The following FLT4 variants were observed in gnomAD, a reference collection of about 807,000 sequenced individuals.
FLT4 encodes the protein vascular endothelial growth factor receptor 3.
FLT4 carries 30 observed loss-of-function variants against 163.2 expected under a neutral mutation model. The observed-to-expected ratio is 0.18, with a 90% CI of 0.14 to 0.25. The LOEUF (loss-of-function observed/expected upper bound fraction) is 0.25, where lower values mean the gene tolerates loss of function less well. Among genes scored for constraint, FLT4 ranks in the 10% least tolerant of loss-of-function variants. FLT4 has a pLI of 1.00. For missense variants in FLT4, 1,510 were observed against 1,863.8 expected, an observed-to-expected ratio of 0.81 and a Z score of 3.50; for synonymous variants, 884 against 789.5, an observed-to-expected ratio of 1.12 and a Z score of -2.01.
At position 180,621,795 on chromosome 5, in the gene FLT4, G is replaced by A. The variant is rs776649034; in HGVS notation, c.1767C>T (p.Arg589=). The A allele has an allele frequency of 3.7e-6, 6 of 1,613,290 alleles. No individual in the cohort carries two copies. The African/African-American group carries it at 4.0e-5, about 11-fold the overall frequency. The change falls in exon 13 of 30, where the codon CGC becomes CGT. Residue 589 remains arginine, a synonymous_variant. Coordinates refer to ENST00000261937, the MANE Select transcript of FLT4 (RefSeq NM_182925.5). ...GCGTGGACAGGTTGAGGCGGTACCA[G>A]CGCAGATGCTCGTACTTGTAGCTGT... ...QADSYKYEHL[R]WYRLNLSTLH...
chr5:180,623,582 G>A lies in FLT4; in HGVS notation c.1548+353C>T, dbSNP rs1036577427. ...CTTCTCGGCGTTGCCCCCAGGCTGC[G>A]CCAGCGGCTCAGCAGCCCTCTGTGC... On this transcript the variant is annotated intron_variant, in intron 11 of 29. Transcript: ENST00000261937. This position sits in a 1 kb window ranked among gnomAD's most constrained non-coding sequence, Gnocchi z 5.8. 1.3e-5 allele frequency among the ~76,000 whole-genome samples: 2 copies of A among 152,204 alleles called. No individual in the cohort carries two copies. Among genetic ancestry groups the A allele is most frequent in the Non-Finnish European group, 2.9e-5 (2 of 68,020 alleles).
At chr5:180,614,215 T>G (rs1762439665) in intron 23 of FLT4, 36 bp from the exon 24 acceptor site, 1 of 1,401,566 alleles carries the variant, frequency 7.1e-7, no homozygotes, top group Non-Finnish European at 1.0e-6. Context: ...CCGTGGTGGA[T>G]GGGGAGACGG....
In FLT4 at chr5:180,613,411, C is replaced by T. The variant is rs370027075; in HGVS notation, c.3332-301G>A. 2.8e-4 allele frequency: 105 copies of T among 378,434 alleles called. 2 individuals carry two copies. The East Asian group carries it at 2.9e-3, about 10-fold the overall frequency. The allele number at this position is 378,434 out of a possible 1,614,324, so 23.4% of individuals were successfully genotyped here. A position where few individuals can be genotyped will look rare whatever the true frequency, so the allele number is the denominator to read the frequency against. ...GACATCATGGTTACTGGATCATCAG[C>T]GGCGGGGGAGCCGCCTGCAGGCAGT... On this transcript the variant is annotated intron_variant, in intron 24 of 29. Transcript: ENST00000261937.
At position 180,611,357 on chromosome 5, in the gene FLT4, G is replaced by A; in HGVS notation, c.3660C>T (p.Ser1220=). ...AQADAEDSPP[S]LQRHSLAARY... ...TGGCGGCCAGGCTGTGGCGCTGCAGGCTTGGCGGGCTGTCCTCAGCGTCAG... is the reference window on the plus strand; with the variant it reads ...TGGCGGCCAGGCTGTGGCGCTGCAGACTTGGCGGGCTGTCCTCAGCGTCAG... The change falls in exon 27 of 30, where the codon AGC becomes AGT. Residue 1220 remains serine, a synonymous_variant. Transcript: ENST00000261937. 6.2e-7 allele frequency: 1 copy of A among 1,613,854 alleles called. No individual in the cohort carries two copies. The highest frequency in any genetic ancestry group is 8.5e-7 in the Non-Finnish European group (1 of 1,179,984).
chr5:180,644,059 C>T (rs558349323), intron 1 of FLT4, among the ~76,000 whole-genome samples: 5 of 152,290 alleles, frequency 3.3e-5, no homozygotes, highest in East Asian at 3.9e-4. Flanking sequence ...CCTTGTGATC[C>T]GCCCGCCTTG....
At chr5:180,608,167 G>A in intron 29 of FLT4, 1 of 700,256 alleles carries the variant, frequency 1.4e-6, no homozygotes, top group Non-Finnish European at 2.6e-6. Flanking sequence ...CCTCTTTGAA[G>A]TTTGTAGTAG....
chr5:180,623,731 G>A lies in FLT4; in HGVS notation c.1548+204C>T, dbSNP rs951357384. Among the ~76,000 whole-genome samples the A allele has an allele frequency of 1.3e-5, 2 of 152,152 alleles. No individual in the cohort carries two copies. The highest frequency in any genetic ancestry group is 2.4e-5 in the African/African-American group (1 of 41,438). On this transcript the variant is annotated intron_variant, in intron 11 of 29. Transcript: ENST00000261937. The surrounding 1 kb of genome is among the most constrained non-coding windows in gnomAD (Gnocchi z 5.8). ...TTGTCTGGGAAGCCGCCAGAGGTCCGCCCTCCATCACAAAGCCGGAGACTG... is the reference window on the plus strand; with the variant it reads ...TTGTCTGGGAAGCCGCCAGAGGTCCACCCTCCATCACAAAGCCGGAGACTG...
chr5:180,607,585 G>A (rs1364017344), intron 29 of FLT4, among the ~76,000 whole-genome samples: 3 of 150,402 alleles, frequency 2.0e-5, no homozygotes, highest in Non-Finnish European at 2.9e-5. Context: ...AGGTTGCAGC[G>A]AGCAGAGATC....
intron 29 of FLT4, among the ~76,000 whole-genome samples, chr5:180,606,465 G>A (rs1267475326): frequency 6.6e-6 from 1 of 152,166 alleles, no homozygotes; most frequent in East Asian, 1.9e-4. Context: ...CTCCCACCAT[G>A]GTGCAGGCTC....
At chr5:180,627,236 C>T (rs773070700) in intron 8 of FLT4, among the ~76,000 whole-genome samples, 31 of 152,176 alleles carry the variant, frequency 2.0e-4, no homozygotes, top group Non-Finnish European at 3.7e-4. Flanking sequence ...AGGCACAGCC[C>T]TCGGGCAGAG....
At position 180,619,123 on chromosome 5, in the gene FLT4, G is replaced by A. The variant is rs781035138; in HGVS notation, c.2762-14C>T. On this transcript the variant is annotated splice_polypyrimidine_tract_variant and intron_variant, in intron 19 of 29. Coordinates refer to ENST00000261937, the MANE Select transcript of FLT4 (RefSeq NM_182925.5). Reference sequence around the variant, plus strand: ...CCATGAGGGGGCCTGCGGCGGGACCGGGCGGCGGCCGTGCGTTCGGAACCC... The same window carrying A: ...CCATGAGGGGGCCTGCGGCGGGACCAGGCGGCGGCCGTGCGTTCGGAACCC... The A allele has an allele frequency of 1.3e-6, 2 of 1,489,664 alleles. No individual in the cohort carries two copies. Among genetic ancestry groups the A allele is most frequent in the South Asian group, 2.6e-5 (2 of 78,240 alleles). The allele number at this position is 1,489,664 out of a possible 1,614,324, so 92.3% of individuals were successfully genotyped here. A position where few individuals can be genotyped will look rare whatever the true frequency, so the allele number is the denominator to read the frequency against.
intron 6 of FLT4, 54 bp downstream of exon 6, chr5:180,629,642 A>G: frequency 6.3e-7 from 1 of 1,586,668 alleles, no homozygotes; most frequent in African/African-American, 1.3e-5. Context: ...TGTGTGCTGT[A>G]CAGTCACAGG....
chr5:180,645,921 C>T (rs956057634), intron 1 of FLT4, among the ~76,000 whole-genome samples: 5 of 152,192 alleles, frequency 3.3e-5, no homozygotes, highest in African/African-American at 1.2e-4. Flanking sequence ...CCACCCCCAA[C>T]TCCGAGGGGC....
chr5:180,610,045 G>C lies in FLT4; in HGVS notation c.3687-20C>G, dbSNP rs367771647. On this transcript the variant is annotated intron_variant, in intron 27 of 29. Transcript: ENST00000261937. Reference sequence around the variant, plus strand: ...TAATACCTGTGGGGAGAAATCAGAAGGTGCTGAGGAACGCGCTGCAGCAAC... The same window carrying C: ...TAATACCTGTGGGGAGAAATCAGAACGTGCTGAGGAACGCGCTGCAGCAAC... 1.7e-4 allele frequency: 277 copies of C among 1,613,816 alleles called. No homozygotes were observed. Among genetic ancestry groups the C allele is most frequent in the Non-Finnish European group, 2.3e-4 (268 of 1,179,862 alleles).
chr5:180,622,039 CGCCCCACCAAAA>C, intron 12 of FLT4, 135 bp from the exon 13 acceptor site: 1 of 1,017,280 alleles, frequency 9.8e-7, no homozygotes, highest in East Asian at 2.5e-5. Context: ...GCTTGCCCCC[CGCCCCACCAAAA>C]GCCCAGGTCA....
chr5:180,642,498 C>CGT (rs1480130760), intron 1 of FLT4, among the ~76,000 whole-genome samples: 1 of 151,974 alleles, frequency 6.6e-6, no homozygotes, highest in African/African-American at 2.4e-5. Flanking sequence ...GTGATGAGGC[C>CGT]GTGGAAGCAG....
At chr5:180,606,154 G>A (rs1761769715) in intron 29 of FLT4, among the ~76,000 whole-genome samples, 1 of 152,150 alleles carries the variant, frequency 6.6e-6, no homozygotes, top group Admixed American at 6.5e-5. Context: ...GATACAGGGT[G>A]GTGCAGTTTC....
rs934317630 is a variant in FLT4 at position 180,602,529 on chromosome 5, C to G, written c.*663G>C. The G allele has an allele frequency of 7.5e-6, 3 of 399,458 alleles. No individual in the cohort carries two copies. Among genetic ancestry groups the G allele is most frequent in the Non-Finnish European group, 8.8e-6 (2 of 226,834 alleles). 24.7% of individuals were successfully genotyped at this position (399,458 alleles called of 1,614,324 possible). On this transcript the variant is annotated 3_prime_UTR_variant, in exon 30 of 30. Transcript: ENST00000261937. Reference sequence around the variant, plus strand: ...GTTGAAAAAGACTTGCAGGATGGCTCTCAACACCCAGGCGCAGGTGTGCGG... The same window carrying G: ...GTTGAAAAAGACTTGCAGGATGGCTGTCAACACCCAGGCGCAGGTGTGCGG...
intron 24 of FLT4, 77 bp from the exon 25 acceptor site, chr5:180,613,187 G>C: frequency 9.8e-7 from 1 of 1,025,072 alleles, no homozygotes; most frequent in Admixed American, 1.8e-5. Context: ...ACCCCATCCT[G>C]TCCCTTCCCC....
Sources: allele counts gnomAD v4.1 joint callset (sites outside exome capture counted in the v4.1 genomes callset), GRCh38; gene constraint gnomAD v4.1.1; non-coding constraint Gnocchi (gnomAD v3.1); transcripts MANE v1.5; gene names NCBI Gene and HGNC (gene_info 2026-07-23, HGNC 2026-07-21).